Variants in TTC17 observed in about 807,000 individuals in gnomAD.
The protein encoded by TTC17 is tetratricopeptide repeat domain 17.
A neutral mutation model predicts 143.8 loss-of-function variants in TTC17; 58 were observed. That is an observed-to-expected ratio of 0.40 (90% CI 0.33 to 0.50). TTC17 has a LOEUF of 0.50. Among genes scored for constraint, TTC17 ranks in the 20% least tolerant of loss-of-function variants. The probability of loss-of-function intolerance (pLI) is 0.49; values close to 1 mark genes in which losing one functional copy is unlikely to be tolerated. For missense variants in TTC17, 1,273 were observed against 1,392.5 expected (o/e 0.91, Z 1.37); for synonymous variants, 501 against 497.8 (o/e 1.01, Z -0.09).
rs761051267 is a variant in TTC17, at chr11:43,379,306, A to G, written c.233A>G (p.Tyr78Cys). ...ATGAGACAAGAAGCAACAGTTAACT[A>G]CCTCAAAGAATTAGAGGTGAGGCAA... ...ILMRQEATVNYLKELEKQLVA... is the reference protein window; with the variant it reads ...ILMRQEATVNCLKELEKQLVA... The change falls in exon 2 of 24, where the codon TAC becomes TGC. Residue 78 changes from tyrosine (Y) to cysteine (C), a missense_variant. Physicochemically the swap from Tyr to Cys is radical, Grantham distance 194. This residue lies in a region of TTC17 where 325 missense variants were observed against 444.2 expected (regional missense o/e 0.73). Transcript: ENST00000039989. The G allele has an allele frequency of 6.2e-7, 1 of 1,611,788 alleles. No homozygotes were observed. Among genetic ancestry groups the G allele is most frequent in the East Asian group, 2.2e-5 (1 of 44,692 alleles).
At chr11:43,438,551 A>G (rs1947343354) in intron 16 of TTC17, among the ~76,000 whole-genome samples, 1 of 152,200 alleles carries the variant, frequency 6.6e-6, no homozygotes, top group Non-Finnish European at 1.5e-5. Flanking sequence ...TTGTTATTAA[A>G]GATAGTATGT....
intron 21 of TTC17, among the ~76,000 whole-genome samples, chr11:43,458,276 A>C (rs1369817445): frequency 1.3e-5 from 2 of 152,134 alleles, no homozygotes; most frequent in African/African-American, 4.8e-5. Context: ...TCCAGGCTCC[A>C]TCTCTACATG....
At chr11:43,448,214 G>C (rs1365156529) in intron 19 of TTC17, 92 bp downstream of exon 19, 1 of 1,525,522 alleles carries the variant, frequency 6.6e-7, no homozygotes, top group African/African-American at 1.4e-5. Context: ...GCTAGTAGAA[G>C]AGTTATCCTT....
intron 21 of TTC17, among the ~76,000 whole-genome samples, chr11:43,487,061 A>C (rs888281086): frequency 1.3e-5 from 2 of 152,136 alleles, no homozygotes; most frequent in Non-Finnish European, 2.9e-5. Flanking sequence ...AAAAAGAAGA[A>C]ATTATATATT....
At chr11:43,366,298 AT>A in intron 1 of TTC17, among the ~76,000 whole-genome samples, 1 of 152,056 alleles carries the variant, frequency 6.6e-6, no homozygotes, top group Non-Finnish European at 1.5e-5. Context: ...TTAATTAAAA[AT>A]TTTGAAACCA....
intron 21 of TTC17, chr11:43,466,788 A>G: frequency 3.1e-6 from 1 of 319,546 alleles, no homozygotes; most frequent in South Asian, 3.2e-5. Flanking sequence ...GAAAGAGGGC[A>G]TGAATATTGT....
At chr11:43,483,442 G>A (rs1948324830) in intron 21 of TTC17, among the ~76,000 whole-genome samples, 1 of 152,024 alleles carries the variant, frequency 6.6e-6, no homozygotes, top group South Asian at 2.1e-4. Flanking sequence ...TCTCACTCAT[G>A]AACTTAGGTA....
intron 11 of TTC17, among the ~76,000 whole-genome samples, chr11:43,404,484 G>A (rs1326448642): frequency 2.0e-5 from 3 of 152,066 alleles, no homozygotes; most frequent in Non-Finnish European, 4.4e-5. Context: ...TTCTTTTATT[G>A]AACTCCCACC....
At chr11:43,438,166 G>T (rs1947334245) in intron 16 of TTC17, among the ~76,000 whole-genome samples, 1 of 152,140 alleles carries the variant, frequency 6.6e-6, no homozygotes, top group Non-Finnish European at 1.5e-5. Context: ...CCCTATGGTG[G>T]TAATCTTTTT....
At chr11:43,399,358 C>T (rs1590356579) in intron 8 of TTC17, among the ~76,000 whole-genome samples, 1 of 152,010 alleles carries the variant, frequency 6.6e-6, no homozygotes, top group Non-Finnish European at 1.5e-5. Flanking sequence ...ATGCAATATA[C>T]CATTTGATGT....
intron 22 of TTC17, chr11:43,491,249 C>T (rs957763639): frequency 1.3e-5 from 2 of 152,196 alleles, no homozygotes; most frequent in Non-Finnish European, 2.9e-5. Flanking sequence ...CTACAGAACC[C>T]AATATGGCAT....
intron 21 of TTC17, among the ~76,000 whole-genome samples, chr11:43,473,882 C>CAAA (rs781437584): frequency 4.9e-5 from 3 of 60,672 alleles, no homozygotes; most frequent in African/African-American, 6.1e-5. Context: ...GACTCTGTCT[C>CAAA]AAAAAAAAAA....
intron 21 of TTC17, among the ~76,000 whole-genome samples, chr11:43,482,290 G>C (rs1169407360): frequency 6.7e-6 from 1 of 149,620 alleles, no homozygotes; most frequent in African/African-American, 2.5e-5. Context: ...ATATAAGCTT[G>C]TATTATTGAC....
chr11:43,434,036 C>G (rs544181355), intron 16 of TTC17, among the ~76,000 whole-genome samples: 64 of 152,244 alleles, frequency 4.2e-4, no homozygotes, highest in African/African-American at 1.5e-3. Flanking sequence ...CCTGACTTAA[C>G]TACACATACC....
chr11:43,432,845 T>A (rs112398808), intron 16 of TTC17, among the ~76,000 whole-genome samples: 1,538 of 152,294 alleles, frequency 0.01, 28 homozygotes, highest in African/African-American at 0.035. Context: ...AATGGAAATT[T>A]TAAGTTCTTC....
chr11:43,398,511 G>GAA (rs1256311844), intron 8 of TTC17, among the ~76,000 whole-genome samples: 3 of 152,114 alleles, frequency 2.0e-5, no homozygotes, highest in Non-Finnish European at 2.9e-5. Context: ...TGCAATAGTT[G>GAA]ATATTTCTCC....
chr11:43,412,391 G>T (rs1858456301), intron 15 of TTC17, among the ~76,000 whole-genome samples: 1 of 152,168 alleles, frequency 6.6e-6, no homozygotes, highest in Non-Finnish European at 1.5e-5. Context: ...GGGAAGCTGA[G>T]GTGGGAGGAT....
chr11:43,379,912 G>T (rs909193379), intron 2 of TTC17, among the ~76,000 whole-genome samples: 3 of 151,756 alleles, frequency 2.0e-5, no homozygotes, highest in Non-Finnish European at 4.4e-5. Context: ...ATAGCAAACA[G>T]TATTTGTTAT....
intron 1 of TTC17, among the ~76,000 whole-genome samples, chr11:43,360,961 T>C (rs1856080858): frequency 6.6e-6 from 1 of 152,182 alleles, no homozygotes; most frequent in Non-Finnish European, 1.5e-5. Context: ...ATACATAACA[T>C]TTACAATGTT....
Sources: allele counts gnomAD v4.1 joint callset (sites outside exome capture counted in the v4.1 genomes callset), GRCh38; gene constraint gnomAD v4.1.1; regional missense constraint gnomAD v4.1.1; transcripts MANE v1.5; gene names NCBI Gene and HGNC (gene_info 2026-07-23, HGNC 2026-07-21).